The following NUGGC variants were observed in gnomAD, a reference collection of about 807,000 sequenced individuals.
NUGGC encodes nuclear GTPase SLIP-GC.
A neutral mutation model predicts 92.6 loss-of-function variants in NUGGC; 58 were observed. The ratio of observed to expected loss-of-function variants is 0.63; its 90% CI spans 0.51 to 0.78. The LOEUF is 0.78. Among genes scored for constraint, NUGGC ranks in the 30% least tolerant of loss-of-function variants. The probability of loss-of-function intolerance (pLI) is 0.00; values close to 1 mark genes in which losing one functional copy is unlikely to be tolerated. For synonymous variants in NUGGC, 376 were observed against 366.4 expected (o/e 1.03, Z -0.30); for missense variants, 925 against 964.6 (o/e 0.96, Z 0.54).
At chr8:28,037,180 C>T (rs1442030998) in intron 13 of NUGGC, among the ~76,000 whole-genome samples, 1 of 152,244 alleles carries the variant, frequency 6.6e-6, no homozygotes, top group Non-Finnish European at 1.5e-5. Flanking sequence ...ACCAGGCTCT[C>T]TGCGTCCAGT....
At chr8:28,031,631 T>A (rs1315584710) in intron 14 of NUGGC, among the ~76,000 whole-genome samples, 1 of 152,208 alleles carries the variant, frequency 6.6e-6, no homozygotes, top group South Asian at 2.1e-4. Context: ...TGCTGGTGTG[T>A]CCAAGGTCAC....
At chr8:28,063,707 T>C (rs1810367035) in intron 7 of NUGGC, among the ~76,000 whole-genome samples, 1 of 152,192 alleles carries the variant, frequency 6.6e-6, no homozygotes, top group African/African-American at 2.4e-5. Context: ...TAGAGCTTGC[T>C]CTAGATTGTG....
At chr8:28,082,067 T>C (rs553676220) in intron 1 of NUGGC, among the ~76,000 whole-genome samples, 1 of 152,326 alleles carries the variant, frequency 6.6e-6, no homozygotes, top group Admixed American at 6.5e-5. Context: ...CAACATTTCC[T>C]AACCACCTCG....
In NUGGC at chr8:28,068,714, C is replaced by A. The variant is rs532810174; in HGVS notation, c.258-276G>T. Among the ~76,000 whole-genome samples, 3 of 152,228 alleles carry A rather than the reference C, an allele frequency of 2.0e-5. No homozygotes were observed. In the South Asian group the frequency reaches 6.2e-4, roughly 32 times the overall value. ...TGTGAGGTGTCTTTATTTGTATTCA[C>A]TGGAAATTGCATATTCTTTTTTTTG... On this transcript the variant is annotated intron_variant, in intron 4 of 18. Transcript: ENST00000413272.
rs1585584711 is a variant in NUGGC at position 28,058,256 on chromosome 8, A to G, written c.1116+2T>C. On this transcript the variant is annotated splice_donor_variant, in intron 9 of 18. Coordinates refer to ENST00000413272, the MANE Select transcript of NUGGC (RefSeq NM_001010906.2). LOFTEE classifies it high-confidence loss of function. ...AAATAAAAAAAACTAGTTCATACTTACATTTCCTGCCTTTCTTTCCCTGAA... is the reference window on the plus strand; with the variant it reads ...AAATAAAAAAAACTAGTTCATACTTGCATTTCCTGCCTTTCTTTCCCTGAA... The G allele has an allele frequency of 2.0e-6, 1 of 510,444 alleles. No homozygotes were observed. Among genetic ancestry groups the G allele is most frequent in the Non-Finnish European group, 3.0e-6 (1 of 328,682 alleles). 31.6% of individuals were successfully genotyped at this position (510,444 alleles called of 1,614,324 possible).
intron 18 of NUGGC, 134 bp from the exon 19 acceptor site, chr8:28,023,596 C>A: frequency 1.1e-6 from 1 of 871,694 alleles, no homozygotes. Context: ...GATCAGACAT[C>A]AAAGCAGGTG....
chr8:28,038,428 T>C (rs1330820349), intron 13 of NUGGC, among the ~76,000 whole-genome samples: 6 of 152,208 alleles, frequency 3.9e-5, no homozygotes, highest in Non-Finnish European at 8.8e-5. Context: ...CACTTTACGT[T>C]CATTCTTTCA....
intron 2 of NUGGC, among the ~76,000 whole-genome samples, chr8:28,073,610 G>A (rs981699338): frequency 1.3e-5 from 2 of 152,044 alleles, no homozygotes; most frequent in African/African-American, 4.8e-5. Context: ...TCCCTTATTG[G>A]CTCCAGGGGC....
intron 6 of NUGGC, 32 bp from the exon 7 acceptor site, chr8:28,064,763 G>A (rs1810395528): frequency 6.3e-7 from 1 of 1,577,478 alleles, no homozygotes; most frequent in Non-Finnish European, 8.7e-7. Context: ...ACACACACCA[G>A]CCATGCACCC....
intron 1 of NUGGC, among the ~76,000 whole-genome samples, chr8:28,074,664 C>T (rs1015069698): frequency 2.6e-5 from 4 of 152,204 alleles, no homozygotes; most frequent in Non-Finnish European, 1.5e-5. Context: ...TTAGGCCAGG[C>T]GCAGTGGCTC....
chr8:28,060,373 A>G (rs1810268366), intron 8 of NUGGC, 53 bp downstream of exon 8: 1 of 1,551,594 alleles, frequency 6.4e-7, no homozygotes, highest in Non-Finnish European at 8.9e-7. Context: ...GTCAGGACCC[A>G]CAGAGGAAAG....
chr8:28,064,843 G>A lies in NUGGC; in HGVS notation c.712-112C>T, dbSNP rs551599512. On this transcript the variant is annotated intron_variant, in intron 6 of 18. Coordinates refer to ENST00000413272, the MANE Select transcript of NUGGC (RefSeq NM_001010906.2). ...TATGCTGAGTAAGGGTAAGAAGTGC[G>A]TCCAACAGGAGGCCTGCAATCAGGT... 1.8e-4 allele frequency: 156 copies of A among 847,836 alleles called. 2 individuals carry two copies. In the Middle Eastern group the frequency reaches 3.8e-3, roughly 21 times the overall value. The allele number at this position is 847,836 out of a possible 1,614,324, so 52.5% of individuals were successfully genotyped here.
rs192512428 is a variant in NUGGC at position 28,033,395 on chromosome 8, T to C, written c.1769+145A>G. On this transcript the variant is annotated intron_variant, in intron 14 of 18. Transcript: ENST00000413272. ...TTAAGTAAACCAAACCAAGAAGGCT[T>C]TTGTGTTTTGCCAAGGACTAAGGTT... The C allele has an allele frequency of 1.3e-4, 99 of 748,532 alleles. 1 individual carries two copies. In the African/African-American group the frequency reaches 1.7e-3, roughly 13 times the overall value. The allele number at this position is 748,532 out of a possible 1,614,324, so 46.4% of individuals were successfully genotyped here.
intron 13 of NUGGC, among the ~76,000 whole-genome samples, chr8:28,037,397 T>G (rs1809582279): frequency 6.6e-6 from 1 of 152,070 alleles, no homozygotes; most frequent in East Asian, 1.9e-4. Context: ...CTTCCTCCCC[T>G]GAAATGCCTT....
intron 13 of NUGGC, 106 bp downstream of exon 13, chr8:28,040,945 C>T (rs1809680836): frequency 1.0e-5 from 12 of 1,175,676 alleles, no homozygotes; most frequent in East Asian, 2.6e-5. Flanking sequence ...ATGCCCGGCC[C>T]GCTAACTCTT....
chr8:28,080,095 C>T (rs893411177), intron 1 of NUGGC, among the ~76,000 whole-genome samples: 3 of 152,184 alleles, frequency 2.0e-5, no homozygotes, highest in African/African-American at 7.2e-5. Flanking sequence ...GCACCTGCCA[C>T]CATGCCCGGC....
At chr8:28,073,458 G>C (rs1176272458) in intron 2 of NUGGC, among the ~76,000 whole-genome samples, 3 of 152,150 alleles carry the variant, frequency 2.0e-5, no homozygotes, top group Non-Finnish European at 4.4e-5. Flanking sequence ...CAGAAACACT[G>C]CTGCACTTTG....
intron 9 of NUGGC, among the ~76,000 whole-genome samples, chr8:28,056,663 A>G (rs1038464882): frequency 4.6e-5 from 7 of 152,196 alleles, no homozygotes; most frequent in Admixed American, 4.6e-4. Context: ...GGTGTCATGA[A>G]TACATAAAAT....
At chr8:28,068,523 T>A in intron 4 of NUGGC, 85 bp from the exon 5 acceptor site, 1 of 938,176 alleles carries the variant, frequency 1.1e-6, no homozygotes, top group Non-Finnish European at 1.6e-6. Context: ...GGAACTGAAT[T>A]CTAATCCCGG....
Sources: gnomAD v4.1 joint callset for allele counts (sites outside exome capture counted in the v4.1 genomes callset) on GRCh38, gnomAD v4.1.1 for gene constraint, MANE v1.5 for transcripts, NCBI Gene and HGNC (gene_info 2026-07-23, HGNC 2026-07-21) for gene names.